SEZ6L: variants seen among roughly 807,000 people sequenced by gnomAD.
SEZ6L encodes the protein seizure related 6 homolog like.
Under a neutral mutation model 106.2 loss-of-function variants are expected in SEZ6L, and 37 were observed. That is an observed-to-expected ratio of 0.35 (90% CI 0.27 to 0.46). The LOEUF is 0.46. SEZ6L is among the 20% of genes least tolerant of loss of function. The probability of loss-of-function intolerance (pLI) is 1.00; values close to 1 mark genes in which losing one functional copy is unlikely to be tolerated. For synonymous variants in SEZ6L, 541 were observed against 570.4 expected, an observed-to-expected ratio of 0.95 and a Z score of 0.73; for missense variants, 1,172 against 1,332.8, an observed-to-expected ratio of 0.88 and a Z score of 1.88.
intron 1 of SEZ6L, among the ~76,000 whole-genome samples, chr22:26,197,579 C>G (rs1048777264): frequency 3.9e-5 from 6 of 152,252 alleles, no homozygotes; most frequent in Admixed American, 2.0e-4. Flanking sequence ...AATGGGGTGG[C>G]TGGTGGCCTT....
intron 8 of SEZ6L, among the ~76,000 whole-genome samples, 191 bp from the exon 9 acceptor site, chr22:26,313,571 TAC>T (rs56086023): frequency 0.28 from 28,678 of 103,754 alleles, 3,229 homozygotes; most frequent in East Asian, 0.48. Flanking sequence ...ATTTAATCAT[TAC>T]ACACACACAC....
chr22:26,358,339 G>A (rs2083505792), intron 12 of SEZ6L, among the ~76,000 whole-genome samples: 1 of 152,178 alleles, frequency 6.6e-6, no homozygotes, highest in Non-Finnish European at 1.5e-5. Context: ...ATACAAGCCA[G>A]CTTTCTCACC....
intron 1 of SEZ6L, among the ~76,000 whole-genome samples, chr22:26,270,716 T>C (rs555693147): frequency 6.6e-6 from 1 of 152,292 alleles, no homozygotes; most frequent in East Asian, 1.9e-4. Context: ...GGTGGAACAG[T>C]GGAGGAGGCA....
intron 9 of SEZ6L, 25 bp from the exon 10 acceptor site, chr22:26,340,410 AC>A: frequency 6.3e-7 from 1 of 1,582,038 alleles, no homozygotes; most frequent in Non-Finnish European, 8.6e-7. Flanking sequence ...ATTTCACATG[AC>A]TCTCCCTCTT....
At chr22:26,245,604 G>A (rs2079309730) in intron 1 of SEZ6L, among the ~76,000 whole-genome samples, 1 of 152,162 alleles carries the variant, frequency 6.6e-6, no homozygotes, top group African/African-American at 2.4e-5. Flanking sequence ...CAATGCCTGG[G>A]TCAGGGTAAG....
chr22:26,256,052 T>C (rs534590572), intron 1 of SEZ6L, among the ~76,000 whole-genome samples: 1 of 152,296 alleles, frequency 6.6e-6, no homozygotes, highest in Non-Finnish European at 1.5e-5. Context: ...GAGTTCTATG[T>C]ACAAAAACCT....
Position 26,296,877 on chromosome 22 carries a change from C to T in SEZ6L, c.970-11C>T. ...CAGAGTTCCTCTCTGTCTGCTTCTG[C>T]CTGTTCCCAGGTGAAGAGTGTGAAC... On this transcript the variant is annotated splice_polypyrimidine_tract_variant and intron_variant, in intron 3 of 16. Transcript: ENST00000248933. 6.4e-7 allele frequency: 1 copy of T among 1,566,932 alleles called. No homozygotes were observed. The highest frequency in any genetic ancestry group is 8.7e-7 in the Non-Finnish European group (1 of 1,151,586).
At chr22:26,188,329 C>A (rs1237483909) in intron 1 of SEZ6L, among the ~76,000 whole-genome samples, 1 of 152,194 alleles carries the variant, frequency 6.6e-6, no homozygotes, top group Non-Finnish European at 1.5e-5. Flanking sequence ...TGACTGAGTG[C>A]AGCTTGGAGA....
intron 9 of SEZ6L, among the ~76,000 whole-genome samples, chr22:26,332,159 T>TG (rs1205461209): frequency 1.4e-5 from 2 of 147,968 alleles, no homozygotes; most frequent in African/African-American, 5.0e-5. Flanking sequence ...TTTTTTTTTT[T>TG]TTTTTTTTGA....
At chr22:26,199,663 G>A (rs1358793219) in intron 1 of SEZ6L, among the ~76,000 whole-genome samples, 1 of 152,158 alleles carries the variant, frequency 6.6e-6, no homozygotes, top group Non-Finnish European at 1.5e-5. Flanking sequence ...AGGACTAGAG[G>A]CAAGGATTCA....
rs768075015 is a variant in SEZ6L at position 26,348,646 on chromosome 22, A to AAAAGAAAGAAAG, written c.2407+780_2407+791dup. ...AAAGAAAGAAAGAAAGAAAGAAAGA[A>AAAAGAAAGAAAG]AAAGAAAGAAAGAAAGAAAGAAAGA... On this transcript the variant is annotated intron_variant, in intron 11 of 16. Coordinates refer to ENST00000248933, the MANE Select transcript of SEZ6L (RefSeq NM_021115.5). Among the ~76,000 whole-genome samples, 61 of 7,690 alleles carry AAAAGAAAGAAAG rather than the reference A, an allele frequency of 7.9e-3. 2 individuals carry two copies. The highest frequency in any genetic ancestry group is 8.7e-3 in the African/African-American group (11 of 1,262). The allele number at this position is 7,690 out of a possible 152,430, so 5.0% of individuals were successfully genotyped here. A position where few individuals can be genotyped will look rare whatever the true frequency, so the allele number is the denominator to read the frequency against.
intron 1 of SEZ6L, among the ~76,000 whole-genome samples, chr22:26,242,386 C>T (rs796219466): frequency 2.6e-5 from 4 of 152,358 alleles, no homozygotes; most frequent in African/African-American, 7.2e-5. Flanking sequence ...GGACAAACCT[C>T]TCTACCTCTC....
At chr22:26,347,949 G>T in intron 11 of SEZ6L, 36 bp downstream of exon 11, 1 of 1,504,444 alleles carries the variant, frequency 6.6e-7, no homozygotes, top group South Asian at 1.4e-5. Context: ...CTAGGTCCCT[G>T]GGTGGCAAAT....
At chr22:26,314,758 G>A (rs1386140391) in intron 9 of SEZ6L, among the ~76,000 whole-genome samples, 1 of 152,238 alleles carries the variant, frequency 6.6e-6, no homozygotes, top group Admixed American at 6.5e-5. Context: ...AGATGCAAAA[G>A]TGACTGCTCT....
In SEZ6L at chr22:26,292,468, G is replaced by A; in HGVS notation, c.157G>A (p.Glu53Lys). The A allele has an allele frequency of 1.2e-6, 2 of 1,614,002 alleles. No homozygotes were observed. Among genetic ancestry groups the A allele is most frequent in the Non-Finnish European group, 1.7e-6 (2 of 1,179,956 alleles). ...TTACCTCCTGCCCTCAGGAGCCCCG[G>A]AGAGAGGCAGTCCTGGCAAAGAGCA... ...GPYLLPSGAP[E>K]RGSPGKEHPE... The change falls in exon 2 of 17, where the codon GAG becomes AAG. Residue 53 changes from glutamate (E) to lysine (K), a missense_variant. Glu to Lys is a moderately conservative substitution (Grantham distance 56). Coordinates refer to ENST00000248933, the MANE Select transcript of SEZ6L (RefSeq NM_021115.5).
At chr22:26,364,978 C>A in intron 12 of SEZ6L, 1 of 161,530 alleles carries the variant, frequency 6.2e-6, no homozygotes. Flanking sequence ...ATGCCAAAAA[C>A]AAAACATCTT....
Position 26,313,050 on chromosome 22 carries a change from G to A in SEZ6L, c.1877-714G>A, listed in dbSNP as rs138959539. Among the ~76,000 whole-genome samples, 740 of 152,330 alleles carry A rather than the reference G, an allele frequency of 4.9e-3. 6 individuals carry two copies. Among genetic ancestry groups the A allele is most frequent in the African/African-American group, 0.016 (664 of 41,576 alleles). ...ATTAAATGTGCCGATTTAACAGAGC[G>A]GAATTTATTGGTGCTTTGGCCTCTG... On this transcript the variant is annotated intron_variant, in intron 8 of 16. Coordinates refer to ENST00000248933, the MANE Select transcript of SEZ6L (RefSeq NM_021115.5).
At chr22:26,212,038 T>C (rs1602048448) in intron 1 of SEZ6L, among the ~76,000 whole-genome samples, 1 of 152,052 alleles carries the variant, frequency 6.6e-6, no homozygotes, top group Admixed American at 6.6e-5. Context: ...TAATAAAATG[T>C]GACGGACAAG....
At chr22:26,327,862 C>G (rs961010709) in intron 9 of SEZ6L, among the ~76,000 whole-genome samples, 4 of 152,206 alleles carry the variant, frequency 2.6e-5, no homozygotes, top group Non-Finnish European at 5.9e-5. Flanking sequence ...GTTTTATAAA[C>G]CTGGGGAAGC....
Sources: gnomAD v4.1 joint callset for allele counts (sites outside exome capture counted in the v4.1 genomes callset) on GRCh38, gnomAD v4.1.1 for gene constraint, MANE v1.5 for transcripts, NCBI Gene and HGNC (gene_info 2026-07-23, HGNC 2026-07-21) for gene names.